GGT6: variants seen among roughly 807,000 people sequenced by gnomAD.
The protein encoded by GGT6 is gamma-glutamyltransferase 6, also known as glutathione hydrolase 6.
Under a neutral mutation model 17.0 loss-of-function variants are expected in GGT6, and 13 were observed. The observed-to-expected ratio is 0.77, with a 90% CI of 0.50 to 1.22. The LOEUF is 1.22. GGT6 is among the 50% of genes most tolerant of loss of function. The probability of loss-of-function intolerance (pLI) is 0.00; values close to 1 mark genes in which losing one functional copy is unlikely to be tolerated. For missense variants in GGT6, 628 were observed against 643.7 expected (o/e 0.98, Z 0.26); for synonymous variants, 305 against 297.9 (o/e 1.02, Z -0.25).
chr17:4,560,353 C>G (rs1324681873), intron 1 of GGT6, 29 bp downstream of exon 1: 2 of 1,613,248 alleles, frequency 1.2e-6, no homozygotes, highest in Admixed American at 3.3e-5. Flanking sequence ...GCCTGGGGAG[C>G]CTGGTGCCCA....
intron 1 of GGT6, chr17:4,560,030 G>T: frequency 3.4e-6 from 2 of 580,952 alleles, no homozygotes; most frequent in Admixed American, 3.0e-5. Context: ...GCCCAGTGGG[G>T]TGTGGCAGGC....
At position 4,558,932 on chromosome 17, in the gene GGT6, G is replaced by T; in HGVS notation, c.583C>A (p.Leu195Met). The change falls in exon 4 of 4, where the codon CTG (leucine) becomes ATG (methionine). Residue 195 changes from leucine to methionine, a missense_variant. Coordinates refer to ENST00000381550, the MANE Select transcript of GGT6 (RefSeq NM_001288702.2). ...GGCAGGCGGCCGAAGCGTGCATGCA[G>T]CAGGTGCAGGGTGGGCAGAGCCGCG... is the stretch of plus-strand genomic sequence containing the variant. ...LPAALPTLHL[L>M]HARFGRLPWP... 1 of 1,549,588 alleles carries T rather than the reference G, an allele frequency of 6.5e-7. No individual in the cohort carries two copies.
At position 4,558,560 on chromosome 17, in the gene GGT6, TG is replaced by T. The variant is rs1908353712; in HGVS notation, c.954del (p.Ser319ValfsTer34). ...AGCAGTTCTGGGCCAGCTGAGGGACTGGGGGTGGTGAACAGGATGCCCTGGG... is the reference window on the plus strand; with the variant it reads ...AGCAGTTCTGGGCCAGCTGAGGGACTGGGGTGGTGAACAGGATGCCCTGGG... ...PVPQGILFTT[P>X]SPSAGPELLA... On this transcript the variant is annotated frameshift_variant, in exon 4 of 4. Coordinates refer to ENST00000381550, the MANE Select transcript of GGT6 (RefSeq NM_001288702.2). LOFTEE classifies it low-confidence loss of function (END_TRUNC). 1 of 1,569,832 alleles carries T rather than the reference TG, an allele frequency of 6.4e-7. No homozygotes were observed. The highest frequency in any genetic ancestry group is 8.6e-7 in the Non-Finnish European group (1 of 1,157,508).
rs1451762366 is a variant in GGT6, at chr17:4,559,608, T to G, written c.293A>C (p.His98Pro). 6.2e-7 allele frequency: 1 copy of G among 1,613,232 alleles called. No individual in the cohort carries two copies. The highest frequency in any genetic ancestry group is 1.7e-5 in the Admixed American group (1 of 59,958). Reference protein sequence around the residue: ...LGSVAPPPGGHSHGPGVYHHG... With the variant: ...LGSVAPPPGGPSHGPGVYHHG... ...GTGGTATACGCCAGGGCCGTGGGAG[T>G]GTCCGCCGGGTGGAGGGGCCACAGA... The change falls in exon 2 of 4, where the codon CAC becomes CCC. Residue 98 changes from histidine (H) to proline (P), a missense_variant. Physicochemically the swap from His to Pro is moderately conservative, Grantham distance 77. Transcript: ENST00000381550.
chr17:4,557,300 CATA>C lies in GGT6; in HGVS notation c.*712_*714del, dbSNP rs1908223825. The C allele has an allele frequency of 6.7e-6, 1 of 148,262 alleles. No homozygotes were observed. Among genetic ancestry groups the C allele is most frequent in the South Asian group, 2.1e-4 (1 of 4,654 alleles). The allele number at this position is 148,262 out of a possible 1,614,324, so 9.2% of individuals were successfully genotyped here. A position where few individuals can be genotyped will look rare whatever the true frequency, so the allele number is the denominator to read the frequency against. ...TTGGGGCCTGAGCCAGCAGTGAGCA[CATA>C]ATAAATCCTTTTTTTTTTTTTTTTT... On this transcript the variant is annotated 3_prime_UTR_variant, in exon 4 of 4. Transcript: ENST00000381550.
Position 4,559,768 on chromosome 17 carries a change from G to A in GGT6, c.141-8C>T, listed in dbSNP as rs751001528. 5 of 1,606,992 alleles carry A rather than the reference G, an allele frequency of 3.1e-6. No homozygotes were observed. The highest frequency in any genetic ancestry group is 3.8e-4 in the Middle Eastern group (2 of 5,296). The stretch of plus-strand genomic sequence containing the variant: ...AGCCCGCCAGCCTTGTTCCTGCAGA[G>A]GGGGGGTGTCCTGAGCCACGGCTGG... On this transcript the variant is annotated splice_region_variant and splice_polypyrimidine_tract_variant and intron_variant, in intron 1 of 3. Coordinates refer to ENST00000381550, the MANE Select transcript of GGT6 (RefSeq NM_001288702.2).
In GGT6 at chr17:4,558,431, C is replaced by T. The variant is rs200634151; in HGVS notation, c.1084G>A (p.Val362Met). ...VSPESSALAA[V>M]DSSGSVLLLT... Reference sequence around the variant, plus strand: ...AGGAGCACAGAGCCGCTGCTGTCCACGGCGGCCAGGGCACTGCTCTCGGGG... The same window carrying T: ...AGGAGCACAGAGCCGCTGCTGTCCATGGCGGCCAGGGCACTGCTCTCGGGG... The change falls in exon 4 of 4, where the codon GTG becomes ATG. Residue 362 changes from valine to methionine, a missense_variant. By Grantham distance (21) the Val-to-Met change is conservative. Transcript: ENST00000381550. The T allele has an allele frequency of 1.0e-3, 1,630 of 1,606,262 alleles. No individual in the cohort carries two copies. Among genetic ancestry groups the T allele is most frequent in the Non-Finnish European group, 1.2e-3 (1,445 of 1,179,964 alleles).
chr17:4,559,924 G>A (rs944114480), intron 1 of GGT6, 164 bp from the exon 2 acceptor site: 16 of 647,970 alleles, frequency 2.5e-5, no homozygotes, highest in Middle Eastern at 4.2e-4. Context: ...GGGCAGACAT[G>A]GGGATGGGAA....
rs1354351937 is a variant in GGT6, at chr17:4,557,130, C to T, written c.*885G>A. The T allele has an allele frequency of 1.3e-5, 2 of 152,148 alleles. No individual in the cohort carries two copies. The highest frequency in any genetic ancestry group is 2.9e-5 in the Non-Finnish European group (2 of 68,038). 9.4% of individuals were successfully genotyped at this position (152,148 alleles called of 1,614,324 possible). A position where few individuals can be genotyped will look rare whatever the true frequency, so the allele number is the denominator to read the frequency against. Reference sequence around the variant, plus strand: ...GCTGGATCTGAACTCAGTGCTAGCCCCAGGCCCTACTGCTTTTTCGTTATT... The same window carrying T: ...GCTGGATCTGAACTCAGTGCTAGCCTCAGGCCCTACTGCTTTTTCGTTATT... On this transcript the variant is annotated 3_prime_UTR_variant, in exon 4 of 4. Coordinates refer to ENST00000381550, the MANE Select transcript of GGT6 (RefSeq NM_001288702.2).
chr17:4,559,362 A>T lies in GGT6; in HGVS notation c.438T>A (p.His146Gln), dbSNP rs1486338450. 6.4e-7 allele frequency: 1 copy of T among 1,551,234 alleles called. No individual in the cohort carries two copies. Among genetic ancestry groups the T allele is most frequent in the African/African-American group, 1.4e-5 (1 of 73,016 alleles). The change falls in exon 3 of 4, where the codon CAT becomes CAA. Residue 146 changes from histidine to glutamine, a missense_variant. Transcript: ENST00000381550. The stretch of plus-strand genomic sequence containing the variant: ...ACTGACCTAGCCCCGTGGCATGAGG[A>T]TGCACCACTGCCAGGCACAATGCAG... Reference protein sequence around the residue: ...VGAALCLAVVHPHATGLGAMF... With the variant: ...VGAALCLAVVQPHATGLGAMF...
In GGT6 at chr17:4,559,541, C is replaced by T; in HGVS notation, c.343+17G>A. ...CCTGACCCTCCCCTCCCCAAGCCGC[C>T]CCCAGCACTGACTGACCTGCAGGGC... On this transcript the variant is annotated intron_variant, in intron 2 of 3. Transcript: ENST00000381550. 2 of 1,611,876 alleles carry T rather than the reference C, an allele frequency of 1.2e-6. No individual in the cohort carries two copies. The highest frequency in any genetic ancestry group is 1.7e-6 in the Non-Finnish European group (2 of 1,179,290).
chr17:4,559,198 G>A (rs1003454601), intron 3 of GGT6, 141 bp from the exon 4 acceptor site: 2 of 1,261,326 alleles, frequency 1.6e-6, no homozygotes, highest in South Asian at 2.8e-5. Flanking sequence ...GGGCTCAAGG[G>A]TCATAGCCTG....
At position 4,559,418 on chromosome 17, in the gene GGT6, C is replaced by T. The variant is rs577454051; in HGVS notation, c.382G>A (p.Gly128Arg). The T allele has an allele frequency of 8.8e-5, 137 of 1,551,896 alleles. 1 individual carries two copies. The highest frequency in any genetic ancestry group is 7.0e-4 in the South Asian group (59 of 84,104). ...SHLGRELLVA[G>R]GNVVDAGVGA... ...ACTCCAGCATCCACGACGTTGCCCCCGGCAACAAGCAGCTCTCGGCCTAGG... is the reference window on the plus strand; with the variant it reads ...ACTCCAGCATCCACGACGTTGCCCCTGGCAACAAGCAGCTCTCGGCCTAGG... The change falls in exon 3 of 4, where the codon GGG (glycine) becomes AGG (arginine). Residue 128 changes from glycine (G) to arginine (R), a missense_variant. Gly to Arg is a moderately radical substitution (Grantham distance 125, BLOSUM62 -2). Transcript: ENST00000381550.
rs762719587 is a variant in GGT6 at position 4,559,631 on chromosome 17, A to G, written c.270T>C (p.Ser90=). ...AGTGTCCGCCGGGTGGAGGGGCCAC[A>G]GAGCCCAAGCTTCCTGTCGACCTGC... ...NQGRSTGSLG[S]VAPPPGGHSH... Residue 90 remains serine (S), a synonymous_variant, in exon 2 of 4, where the codon TCT becomes TCC. Transcript: ENST00000381550. The G allele has an allele frequency of 1.9e-6, 3 of 1,613,760 alleles. No individual in the cohort carries two copies. The highest frequency in any genetic ancestry group is 1.7e-5 in the Admixed American group (1 of 60,026).
At chr17:4,559,828 A>G (rs1908512653) in intron 1 of GGT6, 68 bp from the exon 2 acceptor site, 1 of 1,437,042 alleles carries the variant, frequency 7.0e-7, no homozygotes, top group Admixed American at 1.8e-5. Flanking sequence ...AAGAGACCCC[A>G]GGGAATATTT....
At position 4,558,119 on chromosome 17, in the gene GGT6, G is replaced by A. The variant is rs771626067; in HGVS notation, c.1396C>T (p.Pro466Ser). ...HQGQQEPTEH[P>S]STCGQGTLLQ... ...AGGGTCCCTTGGCCACAAGTGCTGG[G>A]ATGCTCTGTTGGTTCTTGCTGACCC... The change falls in exon 4 of 4, where the codon CCC (proline) becomes TCC (serine). Residue 466 changes from proline to serine, a missense_variant. Transcript: ENST00000381550. The A allele has an allele frequency of 6.2e-7, 1 of 1,613,022 alleles. No homozygotes were observed. Among genetic ancestry groups the A allele is most frequent in the Non-Finnish European group, 8.5e-7 (1 of 1,179,374 alleles).
At position 4,557,919 on chromosome 17, in the gene GGT6, C is replaced by A. The variant is rs937214024; in HGVS notation, c.*96G>T. The stretch of plus-strand genomic sequence containing the variant: ...GAGATTACAGGTGTGAGGCACCACA[C>A]CCTGCGGGTGCACACTCCATTGCTG... On this transcript the variant is annotated 3_prime_UTR_variant, in exon 4 of 4. Coordinates refer to ENST00000381550, the MANE Select transcript of GGT6 (RefSeq NM_001288702.2). The A allele has an allele frequency of 3.6e-6, 3 of 823,528 alleles. No individual in the cohort carries two copies. The allele number at this position is 823,528 out of a possible 1,614,324, so 51.0% of individuals were successfully genotyped here.
Position 4,560,532 on chromosome 17 carries a change from T to C in GGT6, c.-11A>G. 1 of 1,608,232 alleles carries C rather than the reference T, an allele frequency of 6.2e-7. No individual in the cohort carries two copies. The highest frequency in any genetic ancestry group is 1.1e-5 in the South Asian group (1 of 91,078). ...TTCTGCCCGCTCCATGGCCCCCCAG[T>C]GCTCGCCCCAGCCCTCCTGCCTGCC... On this transcript the variant is annotated 5_prime_UTR_variant, in exon 1 of 4. Coordinates refer to ENST00000381550, the MANE Select transcript of GGT6 (RefSeq NM_001288702.2).
In GGT6 at chr17:4,559,474, C is replaced by G. The variant is rs1317028270; in HGVS notation, c.344-18G>C. The G allele has an allele frequency of 6.4e-7, 1 of 1,562,436 alleles. No individual in the cohort carries two copies. Among genetic ancestry groups the G allele is most frequent in the Non-Finnish European group, 8.7e-7 (1 of 1,152,914 alleles). On this transcript the variant is annotated intron_variant, in intron 2 of 3. Transcript: ENST00000381550. ...GCATGTGGCTGCAGCAAGGAAGGCA[C>G]TGTCATGCAGCAAGGAGGGGGGCTA...
Sources: gnomAD v4.1 joint callset for allele counts on GRCh38, gnomAD v4.1.1 for gene constraint, MANE v1.5 for transcripts, NCBI Gene and HGNC (gene_info 2026-07-23, HGNC 2026-07-21) for gene names.